Variants in INPP4B observed in about 807,000 individuals in gnomAD.
The protein encoded by INPP4B is inositol polyphosphate 4-phosphatase type II.
Under a neutral mutation model 122.5 loss-of-function variants are expected in INPP4B, and 55 were observed. The ratio of observed to expected loss-of-function variants is 0.45; its 90% CI spans 0.36 to 0.56. The LOEUF (loss-of-function observed/expected upper bound fraction) is 0.56, where lower values mean the gene tolerates loss of function less well. Ranked by LOEUF, INPP4B falls within the 20% of genes least tolerant of loss-of-function variation. INPP4B has a pLI of 0.00. For synonymous variants in INPP4B, 403 were observed against 388.7 expected, an observed-to-expected ratio of 1.04 and a Z score of -0.43; for missense variants, 1,000 against 1,097.7, an observed-to-expected ratio of 0.91 and a Z score of 1.26.
intron 23 of INPP4B, among the ~76,000 whole-genome samples, chr4:142,088,787 T>C (rs1018073154): frequency 1.3e-5 from 2 of 152,320 alleles, no homozygotes; most frequent in South Asian, 4.1e-4. Context: ...AACAGTTCAT[T>C]ATATCCTGAA....
intron 23 of INPP4B, among the ~76,000 whole-genome samples, chr4:142,090,396 A>AT (rs33979683): frequency 1.6e-3 from 229 of 147,684 alleles, no homozygotes; most frequent in African/African-American, 5.2e-3. Context: ...GGTTGCTGCC[A>AT]TTTTTTTTTT....
At chr4:142,653,145 G>A (rs1474875622) in intron 2 of INPP4B, among the ~76,000 whole-genome samples, 2 of 152,170 alleles carry the variant, frequency 1.3e-5, no homozygotes, top group African/African-American at 2.4e-5. Context: ...ATTAATAAAT[G>A]GTGCTGGGAA....
At chr4:142,368,839 C>T (rs1287582834) in intron 7 of INPP4B, among the ~76,000 whole-genome samples, 5 of 152,060 alleles carry the variant, frequency 3.3e-5, no homozygotes, top group African/African-American at 1.2e-4. Flanking sequence ...GATGCCCAAT[C>T]ATCTAGGAAG....
chr4:142,571,650 C>T (rs1403127058), intron 2 of INPP4B, among the ~76,000 whole-genome samples: 1 of 152,102 alleles, frequency 6.6e-6, no homozygotes, highest in African/African-American at 2.4e-5. Context: ...TCACATCTAT[C>T]TATAGACTGG....
chr4:142,819,406 T>G (rs187429104), intron 1 of INPP4B, among the ~76,000 whole-genome samples: 4 of 152,072 alleles, frequency 2.6e-5, no homozygotes, highest in Non-Finnish European at 4.4e-5. Context: ...CACATCTGAG[T>G]CACCAAGCAA....
In INPP4B at chr4:142,736,888, G is replaced by A. The variant is rs1328967705; in HGVS notation, c.-253-10987C>T. 2.0e-5 allele frequency among the ~76,000 whole-genome samples: 3 copies of A among 152,092 alleles called. No individual in the cohort carries two copies. In the East Asian group the frequency reaches 5.8e-4, roughly 29 times the overall value. ...CCCTGTCTTGTGCCAGTTTTCAAAG[G>A]GAATGCTTCCAGTTTTTGCCCATTC... is the stretch of plus-strand genomic sequence containing the variant. On this transcript the variant is annotated intron_variant, in intron 1 of 25. Coordinates refer to ENST00000262992, the MANE Select transcript of INPP4B (RefSeq NM_001101669.3).
intron 2 of INPP4B, among the ~76,000 whole-genome samples, chr4:142,526,278 G>A (rs1402857560): frequency 1.3e-5 from 2 of 151,934 alleles, no homozygotes; most frequent in Non-Finnish European, 2.9e-5. Flanking sequence ...GTATCCAATA[G>A]GTGTAAAAGT....
chr4:142,638,709 C>A (rs748133267), intron 2 of INPP4B, among the ~76,000 whole-genome samples: 1 of 151,920 alleles, frequency 6.6e-6, no homozygotes, highest in Non-Finnish European at 1.5e-5. Context: ...CCATGTCCGG[C>A]TAATTTTTTG....
At chr4:142,297,740 G>A (rs904945695) in intron 9 of INPP4B, among the ~76,000 whole-genome samples, 9 of 152,134 alleles carry the variant, frequency 5.9e-5, no homozygotes, top group African/African-American at 2.2e-4. Context: ...CAATGCAAAT[G>A]CAGCCTAACA....
At chr4:142,123,648 G>A (rs1797498936) in intron 19 of INPP4B, among the ~76,000 whole-genome samples, 1 of 152,088 alleles carries the variant, frequency 6.6e-6, no homozygotes, top group Non-Finnish European at 1.5e-5. Context: ...ATGGACAGGA[G>A]TAAGGTTGAT....
At chr4:142,119,027 C>T (rs1049093603) in intron 21 of INPP4B, among the ~76,000 whole-genome samples, 8 of 152,214 alleles carry the variant, frequency 5.3e-5, no homozygotes, top group Non-Finnish European at 1.2e-4. Context: ...TTTATGCAGC[C>T]AACAGACACA....
At chr4:142,104,106 G>A (rs1340972630) in intron 23 of INPP4B, among the ~76,000 whole-genome samples, 3 of 151,996 alleles carry the variant, frequency 2.0e-5, no homozygotes, top group Non-Finnish European at 4.4e-5. Flanking sequence ...CTTCTTCTTT[G>A]TTTCAGATAA....
At chr4:142,239,463 A>C (rs1398140411) in intron 11 of INPP4B, among the ~76,000 whole-genome samples, 3 of 152,152 alleles carry the variant, frequency 2.0e-5, no homozygotes, top group Non-Finnish European at 4.4e-5. Context: ...ACAATATTTA[A>C]ATTTTGTCAA....
chr4:142,624,172 T>C (rs1393098645), intron 2 of INPP4B, among the ~76,000 whole-genome samples: 2 of 151,950 alleles, frequency 1.3e-5, no homozygotes, highest in Non-Finnish European at 2.9e-5. Context: ...TGAACTAGTT[T>C]ACAGTCCCAC....
chr4:142,529,917 T>G (rs138827203), intron 2 of INPP4B, among the ~76,000 whole-genome samples: 1 of 152,082 alleles, frequency 6.6e-6, no homozygotes, highest in Non-Finnish European at 1.5e-5. Flanking sequence ...AACAGAGGTA[T>G]GTTAAAATTT....
intron 2 of INPP4B, among the ~76,000 whole-genome samples, chr4:142,653,755 C>A (rs1027159866): frequency 2.0e-5 from 3 of 152,152 alleles, no homozygotes; most frequent in African/African-American, 7.2e-5. Context: ...AATAGGAATG[C>A]TTTTACACTA....
At chr4:142,636,328 C>T (rs1178887509) in intron 2 of INPP4B, among the ~76,000 whole-genome samples, 1 of 151,816 alleles carries the variant, frequency 6.6e-6, no homozygotes, top group Non-Finnish European at 1.5e-5. Context: ...TAAAATGCAA[C>T]AAAAGTCAAA....
At chr4:142,499,908 T>A (rs1425534) in intron 2 of INPP4B, among the ~76,000 whole-genome samples, 25,673 of 152,044 alleles carry the variant, frequency 0.17, 2,432 homozygotes, top group East Asian at 0.39. Context: ...CAAAACCCTA[T>A]CACTATCACT....
chr4:142,571,520 G>A (rs540616359), intron 2 of INPP4B, among the ~76,000 whole-genome samples: 2 of 152,168 alleles, frequency 1.3e-5, no homozygotes, highest in South Asian at 4.1e-4. Flanking sequence ...GAGAAACTTT[G>A]TTCTGAGTTT....
Sources: allele counts gnomAD v4.1 joint callset (sites outside exome capture counted in the v4.1 genomes callset), GRCh38; gene constraint gnomAD v4.1.1; transcripts MANE v1.5; gene names NCBI Gene and HGNC (gene_info 2026-07-23, HGNC 2026-07-21).